Variants in CACNA1H observed in about 807,000 individuals in gnomAD.
The protein encoded by CACNA1H is voltage-dependent T-type calcium channel subunit alpha-1H.
CACNA1H carries 149 observed loss-of-function variants against 192.5 expected under a neutral mutation model. That is an observed-to-expected ratio of 0.77 (90% CI 0.68 to 0.89). The LOEUF is 0.89. CACNA1H is among the 40% of genes least tolerant of loss of function. CACNA1H has a pLI of 0.00. For synonymous variants in CACNA1H, 2,202 were observed against 1,475.2 expected, an observed-to-expected ratio of 1.49 and a Z score of -11.29; for missense variants, 4,257 against 3,423.5, an observed-to-expected ratio of 1.24 and a Z score of -6.08.
intron 2 of CACNA1H, among the ~76,000 whole-genome samples, chr16:1,162,639 T>TTGGG: frequency 1.1e-5 from 1 of 93,204 alleles, no homozygotes; most frequent in East Asian, 3.2e-4. Context: ...ACACCTGGAG[T>TTGGG]GGGGGGGGGG....
intron 27 of CACNA1H, 37 bp downstream of exon 27, chr16:1,213,968 G>A (rs1223784683): frequency 1.3e-6 from 2 of 1,571,010 alleles, no homozygotes; most frequent in African/African-American, 2.7e-5. Flanking sequence ...CCAGGGGCTG[G>A]GGCACCCCCA....
rs369077839 is a variant in CACNA1H at position 1,218,664 on chromosome 16, G to T, written c.5887+13G>T. 303 of 1,526,220 alleles carry T rather than the reference G, an allele frequency of 2.0e-4. No homozygotes were observed. The highest frequency in any genetic ancestry group is 5.5e-4 in the Middle Eastern group (3 of 5,474). The allele number at this position is 1,526,220 out of a possible 1,614,324, so 94.5% of individuals were successfully genotyped here. On this transcript the variant is annotated intron_variant, in intron 33 of 34. Coordinates refer to ENST00000348261, the MANE Select transcript of CACNA1H (RefSeq NM_021098.3). ...GGCACCCCCTTGGGTATGGTAGCCA[G>T]CAGGAAGATATGGGCTGGGTGGGAA...
chr16:1,212,614 C>T (rs1256042275), intron 26 of CACNA1H, 86 bp downstream of exon 26: 41 of 1,507,904 alleles, frequency 2.7e-5, no homozygotes, highest in South Asian at 3.6e-5. Context: ...TGCTGGGGTC[C>T]TCCGCAGGGT....
At chr16:1,199,492 T>TCGCTGCA (rs1967500460) in intron 6 of CACNA1H, among the ~76,000 whole-genome samples, 1 of 117,300 alleles carries the variant, frequency 8.5e-6, no homozygotes. Flanking sequence ...CACCGTGCGG[T>TCGCTGCA]CATTGCACAT....
chr16:1,220,566 G>A lies in CACNA1H; in HGVS notation c.6634G>A (p.Gly2212Ser), dbSNP rs769865105. The change falls in exon 35 of 35, where the codon GGC (glycine) becomes AGC (serine). Residue 2212 changes from glycine (G) to serine (S), a missense_variant. Coordinates refer to ENST00000348261, the MANE Select transcript of CACNA1H (RefSeq NM_021098.3). ...GSARPSAAEG[G>S]STTLRRRTPS... Reference sequence around the variant, plus strand: ...TGCGCGGCCCTCCGCGGCAGAGGGCGGCAGCACCACACTGAGGCGCAGGAC... The same window carrying A: ...TGCGCGGCCCTCCGCGGCAGAGGGCAGCAGCACCACACTGAGGCGCAGGAC... 16 of 1,534,312 alleles carry A rather than the reference G, an allele frequency of 1.0e-5. No individual in the cohort carries two copies. The highest frequency in any genetic ancestry group is 4.5e-5 in the East Asian group (2 of 44,310).
At chr16:1,201,148 C>T (rs1030824341) in intron 8 of CACNA1H, among the ~76,000 whole-genome samples, 1 of 152,156 alleles carries the variant, frequency 6.6e-6, no homozygotes. Flanking sequence ...CCAGTGGGTC[C>T]TGGCAGAGTT....
intron 9 of CACNA1H, among the ~76,000 whole-genome samples, chr16:1,202,788 C>T (rs1166321690): frequency 1.3e-5 from 2 of 152,136 alleles, no homozygotes; most frequent in Non-Finnish European, 2.9e-5. Context: ...ATGCTTGTGT[C>T]CACAGCCTGG....
Position 1,208,139 on chromosome 16 carries a change from T to C in CACNA1H, c.3281T>C (p.Leu1094Pro). 1.9e-6 allele frequency: 3 copies of C among 1,587,166 alleles called. No homozygotes were observed. Among genetic ancestry groups the C allele is most frequent in the Non-Finnish European group, 2.6e-6 (3 of 1,168,382 alleles). ...CCTACCCCCAAGAGCTCACCATTCC[T>C]GGATGCAGCCCCCAGCCTCCCAGAC... ...PMPTPKSSPF[L>P]DAAPSLPDSR... is the part of the protein sequence containing the mutation. Residue 1094 changes from leucine (L) to proline (P), a missense_variant, in exon 16 of 35, where the codon CTG becomes CCG. Leu to Pro is a moderately conservative substitution (Grantham distance 98). Transcript: ENST00000348261.
chr16:1,202,357 G>T lies in CACNA1H; in HGVS notation c.1907G>T (p.Trp636Leu), dbSNP rs1268406515. 2.6e-6 allele frequency: 4 copies of T among 1,565,934 alleles called. No individual in the cohort carries two copies. The highest frequency in any genetic ancestry group is 3.5e-6 in the Non-Finnish European group (4 of 1,157,570). ...GSTSPGPKGK[W>L]AGGPPGTGGH... ...ACCAGCCCCGGACCCAAGGGGAAGT[G>T]GGCCGGTGGACCGCCAGGCACCGGG... is the stretch of plus-strand genomic sequence containing the variant. Residue 636 changes from tryptophan to leucine, a missense_variant, in exon 9 of 35, where the codon TGG (tryptophan) becomes TTG (leucine). Physicochemically the swap from Trp to Leu is moderately conservative, Grantham distance 61 (BLOSUM62 -2). Coordinates refer to ENST00000348261, the MANE Select transcript of CACNA1H (RefSeq NM_021098.3).
chr16:1,218,253 G>C lies in CACNA1H; in HGVS notation c.5489G>C (p.Ser1830Thr). 1 of 1,550,852 alleles carries C rather than the reference G, an allele frequency of 6.4e-7. No homozygotes were observed. Among genetic ancestry groups the C allele is most frequent in the Non-Finnish European group, 8.7e-7 (1 of 1,147,264 alleles). Reference sequence around the variant, plus strand: ...TCCCGTGAGGACAAGCACTGCCTGAGCTACCTGCCGGCCCTGTCGCCCGTC... The same window carrying C: ...TCCCGTGAGGACAAGCACTGCCTGACCTACCTGCCGGCCCTGTCGCCCGTC... ...ECSREDKHCLSYLPALSPVYF... is the reference protein window; with the variant it reads ...ECSREDKHCLTYLPALSPVYF... The change falls in exon 33 of 35, where the codon AGC becomes ACC. Residue 1830 changes from serine to threonine, a missense_variant. Physicochemically the swap from Ser to Thr is moderately conservative, Grantham distance 58. Transcript: ENST00000348261.
chr16:1,196,158 A>AC (rs1966942117), intron 5 of CACNA1H, 135 bp downstream of exon 5: 4 of 686,922 alleles, frequency 5.8e-6, no homozygotes, highest in South Asian at 5.3e-5. Context: ...CCCAGCCCAG[A>AC]CCCCAGCAGT....
At chr16:1,181,188 G>A (rs1965428737) in intron 2 of CACNA1H, among the ~76,000 whole-genome samples, 1 of 152,252 alleles carries the variant, frequency 6.6e-6, no homozygotes, top group Non-Finnish European at 1.5e-5. Flanking sequence ...TGCTGCCCAC[G>A]CCTTTCCCTT....
At position 1,180,702 on chromosome 16, in the gene CACNA1H, A is replaced by G. The variant is rs985547674; in HGVS notation, c.300-14270A>G. Among the ~76,000 whole-genome samples, 1 of 152,076 alleles carries G rather than the reference A, an allele frequency of 6.6e-6. No individual in the cohort carries two copies. The highest frequency in any genetic ancestry group is 1.5e-5 in the Non-Finnish European group (1 of 67,972). Reference sequence around the variant, plus strand: ...GGCGGGGCAGGGAGGGATGAGGTGCAGACTGGGGAGAGTGCAGGGTGTGCA... The same window carrying G: ...GGCGGGGCAGGGAGGGATGAGGTGCGGACTGGGGAGAGTGCAGGGTGTGCA... On this transcript the variant is annotated intron_variant, in intron 2 of 34. Coordinates refer to ENST00000348261, the MANE Select transcript of CACNA1H (RefSeq NM_021098.3). The surrounding 1 kb of genome is among the most constrained non-coding windows in gnomAD (Gnocchi z 4.4).
intron 2 of CACNA1H, among the ~76,000 whole-genome samples, chr16:1,170,446 C>T (rs995351947): frequency 6.6e-6 from 1 of 152,038 alleles, no homozygotes; most frequent in African/African-American, 2.4e-5. Context: ...GGGAGAGAGA[C>T]AGAGGCAGGG....
rs964941206 is a variant in CACNA1H at position 1,200,453 on chromosome 16, G to C, written c.1001G>C (p.Arg334Pro). The change falls in exon 7 of 35, where the codon CGC becomes CCC. Residue 334 changes from arginine (R) to proline (P), a missense_variant. Physicochemically the swap from Arg to Pro is moderately radical, Grantham distance 103 (BLOSUM62 -2). Coordinates refer to ENST00000348261, the MANE Select transcript of CACNA1H (RefSeq NM_021098.3). ...QPQAEGVGAA[R>P]NACINWNQYY... ...CAGGCCGAGGGGGTGGGCGCTGCAC[G>C]CAACGCCTGCATCAACTGGAACCAG... The C allele has an allele frequency of 1.2e-6, 2 of 1,611,606 alleles. No homozygotes were observed. Among genetic ancestry groups the C allele is most frequent in the Non-Finnish European group, 1.7e-6 (2 of 1,179,660 alleles).
At chr16:1,219,343 A>C (rs1327510507) in intron 34 of CACNA1H, among the ~76,000 whole-genome samples, 1 of 152,150 alleles carries the variant, frequency 6.6e-6, no homozygotes, top group Non-Finnish European at 1.5e-5. Context: ...GTGGCTACAG[A>C]GCTCTTGGCT....
At chr16:1,200,856 G>C (rs1331003696) in intron 8 of CACNA1H, 48 bp downstream of exon 8, 27 of 1,457,780 alleles carry the variant, frequency 1.9e-5, no homozygotes, top group Non-Finnish European at 2.4e-5. Context: ...GGTGTTAGCT[G>C]GCTGGGGGTG....
At chr16:1,211,412 G>A (rs1168655537) in intron 22 of CACNA1H, 69 bp from the exon 23 acceptor site, 22 of 1,608,010 alleles carry the variant, frequency 1.4e-5, no homozygotes, top group Middle Eastern at 1.7e-4. Context: ...CCTCACTCGC[G>A]CCCCAGGAAG....
intron 2 of CACNA1H, among the ~76,000 whole-genome samples, chr16:1,163,305 G>A (rs1448253529): frequency 1.3e-5 from 2 of 152,254 alleles, no homozygotes; most frequent in Non-Finnish European, 2.9e-5. Flanking sequence ...GTGGGGCCCA[G>A]TTGGAGCAGG....
Sources: allele counts gnomAD v4.1 joint callset (sites outside exome capture counted in the v4.1 genomes callset), GRCh38; gene constraint gnomAD v4.1.1; non-coding constraint Gnocchi (gnomAD v3.1); transcripts MANE v1.5; gene names NCBI Gene and HGNC (gene_info 2026-07-23, HGNC 2026-07-21).